The following GPR19 variants were observed in gnomAD, a reference collection of about 807,000 sequenced individuals.
The protein encoded by GPR19 is G protein-coupled receptor 19, also known as probable G protein-coupled receptor 19.
In GPR19, 14 loss-of-function variants were observed where a neutral mutation model predicts 28.5. The observed-to-expected ratio is 0.49, with a 90% CI of 0.32 to 0.77. The LOEUF is 0.77. Ranked by LOEUF, GPR19 falls within the 30% of genes least tolerant of loss-of-function variation. The pLI is 0.03. For missense variants in GPR19, 409 were observed against 504.1 expected, an observed-to-expected ratio of 0.81 and a Z score of 1.81; for synonymous variants, 173 against 184.1, an observed-to-expected ratio of 0.94 and a Z score of 0.49.
intron 3 of GPR19, among the ~76,000 whole-genome samples, chr12:12,672,590 T>C (rs1797157201): frequency 6.6e-6 from 1 of 152,038 alleles, no homozygotes; most frequent in South Asian, 2.1e-4. Flanking sequence ...CTACTAAAAA[T>C]ACACAAATTA....
At chr12:12,687,025 T>C (rs969802453) in intron 2 of GPR19, among the ~76,000 whole-genome samples, 2 of 152,232 alleles carry the variant, frequency 1.3e-5, no homozygotes, top group African/African-American at 4.8e-5. Context: ...AAATTTACTT[T>C]TGACATTGGA....
the GPR19 span, chr12:12,717,018 G>C: frequency 1.0e-6 from 1 of 1,000,620 alleles, no homozygotes; most frequent in Non-Finnish European, 1.2e-6. Context: ...GCGGGAGGGA[G>C]GTCGGGGCTT....
At chr12:12,692,430 G>C (rs1451957583) in intron 2 of GPR19, among the ~76,000 whole-genome samples, 1 of 150,922 alleles carries the variant, frequency 6.6e-6, no homozygotes, top group Non-Finnish European at 1.5e-5. Flanking sequence ...GCGGGGTTTT[G>C]CCATGTTGCC....
chr12:12,680,358 C>T (rs1945999926), intron 3 of GPR19, among the ~76,000 whole-genome samples: 1 of 152,090 alleles, frequency 6.6e-6, no homozygotes, highest in South Asian at 2.1e-4. Flanking sequence ...TAGAGAGTTG[C>T]TATGAGAATT....
intron 3 of GPR19, among the ~76,000 whole-genome samples, chr12:12,669,240 T>G (rs1490557062): frequency 6.6e-6 from 1 of 152,240 alleles, no homozygotes; most frequent in East Asian, 1.9e-4. Flanking sequence ...GCGCCAGACA[T>G]GCTGGCCTGG....
chr12:12,662,819 G>C (rs1945700390), intron 3 of GPR19, among the ~76,000 whole-genome samples: 1 of 152,202 alleles, frequency 6.6e-6, no homozygotes, highest in South Asian at 2.1e-4. Context: ...TCATGGTAAC[G>C]GTGTTACCAC....
intron 3 of GPR19, among the ~76,000 whole-genome samples, chr12:12,664,115 G>A (rs541024644): frequency 2.0e-5 from 3 of 152,022 alleles, no homozygotes; most frequent in Non-Finnish European, 4.4e-5. Flanking sequence ...TCAGCCTCTC[G>A]AGTAGTTGGG....
chr12:12,713,629 TTCAAG>T, the GPR19 span, among the ~76,000 whole-genome samples: 1 of 152,144 alleles, frequency 6.6e-6, no homozygotes, highest in Non-Finnish European at 1.5e-5. Context: ...GCCTCCTGTG[TTCAAG>T]TCATTATCCT....
intron 3 of GPR19, among the ~76,000 whole-genome samples, chr12:12,674,188 G>A (rs947931531): frequency 9.2e-5 from 13 of 141,106 alleles, no homozygotes; most frequent in African/African-American, 3.5e-4. Context: ...CTCCAACCTG[G>A]GCGACAGCCA....
the GPR19 span, chr12:12,715,945 T>C: frequency 5.3e-5 from 8 of 152,244 alleles, no homozygotes; most frequent in Non-Finnish European, 1.5e-5. Context: ...AGCTCATCTG[T>C]AGCATAGGTG....
the GPR19 span, chr12:12,717,152 G>A: frequency 9.7e-7 from 1 of 1,032,264 alleles, no homozygotes; most frequent in African/African-American, 1.7e-5. Context: ...AGCCAGAGCA[G>A]GTTTGTTGGC....
intron 3 of GPR19, among the ~76,000 whole-genome samples, chr12:12,674,090 T>C (rs773884074): frequency 2.0e-5 from 3 of 150,928 alleles, no homozygotes; most frequent in East Asian, 2.0e-4. Context: ...TGAGTGCCTG[T>C]AATCCCAGCT....
intron 3 of GPR19, among the ~76,000 whole-genome samples, chr12:12,668,480 C>T (rs1453808051): frequency 1.3e-5 from 2 of 151,658 alleles, no homozygotes; most frequent in Non-Finnish European, 2.9e-5. Flanking sequence ...TCTGCATCAA[C>T]TGTTGGATAG....
rs190538720 is a variant in GPR19 at position 12,662,609 on chromosome 12, G to A, written c.-22-139C>T. 34 of 738,728 alleles carry A rather than the reference G, an allele frequency of 4.6e-5. No individual in the cohort carries two copies. In the African/African-American group the frequency reaches 5.3e-4, roughly 12 times the overall value. The allele number at this position is 738,728 out of a possible 1,614,324, so 45.8% of individuals were successfully genotyped here. ...TTGTGTAGGACTTGAGCGTTGGCAG[G>A]AAAACATAACTACTATCCAGAAAAA... On this transcript the variant is annotated intron_variant, in intron 3 of 3. Transcript: ENST00000651487.
At chr12:12,713,991 T>G in the GPR19 span, among the ~76,000 whole-genome samples, 1 of 152,228 alleles carries the variant, frequency 6.6e-6, no homozygotes, top group Admixed American at 6.5e-5. Flanking sequence ...ATTTTCTGTC[T>G]CCTCTCCCCT....
At chr12:12,712,970 C>T in the GPR19 span, among the ~76,000 whole-genome samples, 1 of 152,106 alleles carries the variant, frequency 6.6e-6, no homozygotes, top group African/African-American at 2.4e-5. Flanking sequence ...TGCTTAAAAC[C>T]TCCTAATGCC....
the GPR19 span, chr12:12,716,671 C>T: frequency 1.4e-6 from 1 of 733,610 alleles, no homozygotes; most frequent in Non-Finnish European, 1.7e-6. Context: ...AGCTTGAGTT[C>T]ATGATAAGTG....
intron 2 of GPR19, among the ~76,000 whole-genome samples, chr12:12,692,703 GTTTTTTTTT>G: frequency 6.8e-6 from 1 of 146,858 alleles, no homozygotes; most frequent in Non-Finnish European, 1.5e-5. Context: ...TGTTTTTTTT[GTTTTTTTTT>G]TTCTCCAACT....
intron 2 of GPR19, among the ~76,000 whole-genome samples, chr12:12,693,230 CT>C (rs1275464283): frequency 2.6e-5 from 4 of 152,228 alleles, no homozygotes; most frequent in Non-Finnish European, 5.9e-5. Flanking sequence ...AACAAAACCA[CT>C]TGTGTGGTCA....
Sources: allele counts gnomAD v4.1 joint callset (sites outside exome capture counted in the v4.1 genomes callset), GRCh38; gene constraint gnomAD v4.1.1; transcripts MANE v1.5; gene names NCBI Gene and HGNC (gene_info 2026-07-23, HGNC 2026-07-21).